The following VPS54 variants were observed in gnomAD, a reference collection of about 807,000 sequenced individuals.
VPS54 encodes vacuolar protein sorting-associated protein 54.
A neutral mutation model predicts 121.5 loss-of-function variants in VPS54; 45 were observed. That is an observed-to-expected ratio of 0.37 (90% CI 0.29 to 0.47). The LOEUF is 0.47. VPS54 is among the 20% of genes least tolerant of loss of function. VPS54 has a pLI of 0.99. For missense variants in VPS54, 1,090 were observed against 1,131.4 expected, an observed-to-expected ratio of 0.96 and a Z score of 0.52; for synonymous variants, 371 against 385.8, an observed-to-expected ratio of 0.96 and a Z score of 0.45.
chr2:63,947,108 T>G (rs1440005), intron 9 of VPS54, among the ~76,000 whole-genome samples: 1,869 of 152,050 alleles, frequency 0.012, 17 homozygotes, highest in Non-Finnish European at 0.015. Flanking sequence ...TATAATAATA[T>G]GAGAAACTGC....
chr2:63,971,939 C>A (rs1424877933), intron 4 of VPS54, among the ~76,000 whole-genome samples: 3 of 152,088 alleles, frequency 2.0e-5, no homozygotes, highest in Non-Finnish European at 2.9e-5. Flanking sequence ...AGGAACATAC[C>A]AACCACGAAG....
intron 7 of VPS54, among the ~76,000 whole-genome samples, chr2:63,958,624 A>G (rs1675608557): frequency 6.6e-6 from 1 of 152,158 alleles, no homozygotes; most frequent in Non-Finnish European, 1.5e-5. Flanking sequence ...CTAGGGCAGG[A>G]GGATCACTTG....
intron 12 of VPS54, among the ~76,000 whole-genome samples, chr2:63,923,828 A>C (rs1020951308): frequency 1.3e-5 from 2 of 152,350 alleles, no homozygotes; most frequent in Middle Eastern, 6.8e-3. Context: ...TACCACTAAC[A>C]AAGTTAGAAC....
At chr2:63,958,229 C>T (rs1236929267) in intron 7 of VPS54, among the ~76,000 whole-genome samples, 7 of 151,826 alleles carry the variant, frequency 4.6e-5, no homozygotes, top group African/African-American at 7.3e-5. Flanking sequence ...AATTTCATTA[C>T]AGAATATAAA....
chr2:63,936,381 G>C (rs896457522), intron 11 of VPS54, among the ~76,000 whole-genome samples: 7 of 152,060 alleles, frequency 4.6e-5, no homozygotes, highest in African/African-American at 1.7e-4. Flanking sequence ...TAGATACATG[G>C]TTTACTTTCT....
At chr2:64,012,077 C>A (rs1461400585) in intron 1 of VPS54, among the ~76,000 whole-genome samples, 2 of 152,234 alleles carry the variant, frequency 1.3e-5, no homozygotes, top group Middle Eastern at 3.4e-3. Context: ...ATTAATCACT[C>A]CTTGGCATTA....
chr2:63,916,849 C>T lies in VPS54; in HGVS notation c.2228+51G>A, dbSNP rs375074257. 28 of 1,567,576 alleles carry T rather than the reference C, an allele frequency of 1.8e-5. No individual in the cohort carries two copies. The African/African-American group carries it at 3.7e-4, about 20-fold the overall frequency. ...TTCACTTCAAGGGAGAACTAGAAGA[C>T]TTGTGTTTTAAATAGTTGACTCAAC... is the stretch of plus-strand genomic sequence containing the variant. On this transcript the variant is annotated intron_variant, in intron 16 of 22. Transcript: ENST00000272322.
intron 1 of VPS54, among the ~76,000 whole-genome samples, chr2:64,017,230 A>C (rs1375119307): frequency 6.6e-6 from 1 of 151,540 alleles, no homozygotes; most frequent in Non-Finnish European, 1.5e-5. Flanking sequence ...CCAGCTACTC[A>C]GGAGACTGAG....
chr2:63,961,036 A>G (rs1675744768), intron 7 of VPS54, among the ~76,000 whole-genome samples: 1 of 152,228 alleles, frequency 6.6e-6, no homozygotes, highest in African/African-American at 2.4e-5. Flanking sequence ...CAATCTTTCC[A>G]TTCATCATAC....
intron 1 of VPS54, among the ~76,000 whole-genome samples, chr2:63,984,744 A>C (rs1676962166): frequency 6.6e-6 from 1 of 152,258 alleles, no homozygotes; most frequent in African/African-American, 2.4e-5. Flanking sequence ...CTATGTCTAC[A>C]TTTTAAAGTA....
In VPS54 at chr2:63,977,539, T is replaced by C. The variant is rs191767553; in HGVS notation, c.378+4107A>G. 1.2e-3 allele frequency among the ~76,000 whole-genome samples: 179 copies of C among 152,348 alleles called. 2 individuals are homozygous for C. Among genetic ancestry groups the C allele is most frequent in the Admixed American group, 2.2e-3 (34 of 15,310 alleles). On this transcript the variant is annotated intron_variant, in intron 3 of 22. Transcript: ENST00000272322. ...AGCATTCTTCATTTCTGTTATACTATCTTTGATTTGTAGCATTTCCTTTTG... is the reference window on the plus strand; with the variant it reads ...AGCATTCTTCATTTCTGTTATACTACCTTTGATTTGTAGCATTTCCTTTTG...
At chr2:63,907,796 T>C (rs547854695) in intron 20 of VPS54, among the ~76,000 whole-genome samples, 2 of 152,250 alleles carry the variant, frequency 1.3e-5, no homozygotes, top group East Asian at 3.9e-4. Context: ...ACCAAAGATA[T>C]GAATGGCAAA....
At chr2:63,979,241 G>GTT (rs768489534) in intron 3 of VPS54, among the ~76,000 whole-genome samples, 33 of 123,600 alleles carry the variant, frequency 2.7e-4, no homozygotes, top group Admixed American at 3.1e-4. Context: ...TTTTCTGTTT[G>GTT]TTTTTTTTTT....
At chr2:63,921,078 G>C in intron 13 of VPS54, 128 bp downstream of exon 13, 1 of 976,630 alleles carries the variant, frequency 1.0e-6, no homozygotes, top group Non-Finnish European at 1.4e-6. Context: ...CACATCAGTG[G>C]TAACACTGAC....
intron 6 of VPS54, 91 bp from the exon 7 acceptor site, chr2:63,962,534 C>T: frequency 1.4e-6 from 2 of 1,399,382 alleles, no homozygotes; most frequent in Admixed American, 2.5e-5. Context: ...AAGATTTCTA[C>T]ATATACTTTA....
intron 7 of VPS54, 71 bp from the exon 8 acceptor site, chr2:63,949,234 A>G (rs1675128590): frequency 6.7e-7 from 1 of 1,486,212 alleles, no homozygotes; most frequent in Admixed American, 2.2e-5. Context: ...AATCAAGGGA[A>G]CTAGTAGGTA....
chr2:63,946,271 T>A lies in VPS54; in HGVS notation c.1245+1112A>T, dbSNP rs1163803239. 2.6e-5 allele frequency among the ~76,000 whole-genome samples: 4 copies of A among 152,294 alleles called. No individual in the cohort carries two copies. In the East Asian group the frequency reaches 7.7e-4, roughly 29 times the overall value. ...CTGTACAAATACATCAAAATTCTAT[T>A]TATCCTTTCTACTGGTGATGGAATT... On this transcript the variant is annotated intron_variant, in intron 9 of 22. Transcript: ENST00000272322.
intron 7 of VPS54, among the ~76,000 whole-genome samples, chr2:63,961,110 T>G (rs1251078022): frequency 6.6e-6 from 1 of 152,222 alleles, no homozygotes; most frequent in Non-Finnish European, 1.5e-5. Flanking sequence ...CCAAATAAAT[T>G]GTAGAGACTT....
chr2:63,913,297 CTTGAA>C lies in VPS54; in HGVS notation c.2343_2347del (p.Asn781LysfsTer47). On this transcript the variant is annotated frameshift_variant, in exon 18 of 23. Coordinates refer to ENST00000272322, the MANE Select transcript of VPS54 (RefSeq NM_016516.3). LOFTEE classifies it high-confidence loss of function. Reference sequence around the variant, plus strand: ...AGCTCCAAGAACTAACTGGCAACTTCTTGAATTGAAGTACTAACAAAAGAAGGAGA... The same window carrying C: ...AGCTCCAAGAACTAACTGGCAACTTCTTGAAGTACTAACAAAAGAAGGAGA... 1 of 1,610,588 alleles carries C rather than the reference CTTGAA, an allele frequency of 6.2e-7. No individual in the cohort carries two copies. The highest frequency in any genetic ancestry group is 8.5e-7 in the Non-Finnish European group (1 of 1,178,658).
Sources: allele counts gnomAD v4.1 joint callset (sites outside exome capture counted in the v4.1 genomes callset), GRCh38; gene constraint gnomAD v4.1.1; transcripts MANE v1.5; gene names NCBI Gene and HGNC (gene_info 2026-07-23, HGNC 2026-07-21).